Variants in ATP2C2 observed in about 807,000 individuals in gnomAD.
The protein encoded by ATP2C2 is ATPase secretory pathway Ca2+ transporting 2.
A neutral mutation model predicts 110.8 loss-of-function variants in ATP2C2; 171 were observed. That is an observed-to-expected ratio of 1.54 (90% CI 1.36 to 1.75). The LOEUF is 1.75. Ranked by LOEUF, ATP2C2 falls within the 40% of genes most tolerant of loss-of-function variation. The pLI, the probability that ATP2C2 is intolerant of heterozygous loss-of-function variation, is 0.00. For missense variants in ATP2C2, 1,963 were observed against 1,235.0 expected (o/e 1.59, Z -8.84); for synonymous variants, 804 against 508.4 (o/e 1.58, Z -7.82).
chr16:84,423,457 C>G (rs1907538080), intron 10 of ATP2C2, among the ~76,000 whole-genome samples, 194 bp downstream of exon 10: 1 of 152,194 alleles, frequency 6.6e-6, no homozygotes, highest in African/African-American at 2.4e-5. Context: ...AACAAGCAGC[C>G]ACTACATTTT....
chr16:84,463,770 A>G lies in ATP2C2; in HGVS notation c.*38A>G. 6.4e-7 allele frequency: 1 copy of G among 1,554,464 alleles called. No homozygotes were observed. Among genetic ancestry groups the G allele is most frequent in the East Asian group, 2.2e-5 (1 of 44,538 alleles). On this transcript the variant is annotated 3_prime_UTR_variant, in exon 27 of 27. Transcript: ENST00000262429. ...CGCGGCACCTTCCCTAATCATCTCG[A>G]TCTGGTTGTGACTGTGGCCCCTGCC...
At chr16:84,391,301 C>T (rs117034137) in intron 1 of ATP2C2, among the ~76,000 whole-genome samples, 3,593 of 152,240 alleles carry the variant, frequency 0.024, 69 homozygotes, top group Non-Finnish European at 0.038. Context: ...GCTACAGCCT[C>T]GGACCCTTCA....
At chr16:84,418,367 C>G (rs1358255872) in intron 7 of ATP2C2, among the ~76,000 whole-genome samples, 1 of 152,150 alleles carries the variant, frequency 6.6e-6, no homozygotes, top group Non-Finnish European at 1.5e-5. Flanking sequence ...CCTGGGAGGT[C>G]ACCAGAAGCC....
chr16:84,389,316 C>T (rs891286394), intron 1 of ATP2C2, among the ~76,000 whole-genome samples: 3 of 152,226 alleles, frequency 2.0e-5, no homozygotes, highest in Admixed American at 6.5e-5. Flanking sequence ...CTAGATTCCC[C>T]GCGATCTGCA....
chr16:84,460,550 C>G (rs750235843), intron 23 of ATP2C2, 104 bp from the exon 24 acceptor site: 17 of 1,523,970 alleles, frequency 1.1e-5, no homozygotes, highest in Non-Finnish European at 1.5e-5. Context: ...CCTGGCCCTG[C>G]CCCCTGTGCC....
intron 4 of ATP2C2, 29 bp downstream of exon 4, chr16:84,408,523 G>A (rs375023057): frequency 3.0e-5 from 48 of 1,590,124 alleles, no homozygotes; most frequent in East Asian, 1.8e-4. Context: ...CTCGGCTCCC[G>A]GGCGGGCAGC....
At position 84,422,458 on chromosome 16, in the gene ATP2C2, CCCCTTGA is replaced by C. The variant is rs755616428; in HGVS notation, c.695_701del (p.Pro232GlnfsTer28). On this transcript the variant is annotated frameshift_variant, in exon 8 of 27. Transcript: ENST00000262429. LOFTEE classifies it high-confidence loss of function. ...CCGAGCCATGTAGTAAAACAGACAG[CCCCTTGA>C]CAGGCGGTGGGGACCTCACCACCCT... 6.2e-7 allele frequency: 1 copy of C among 1,614,152 alleles called. No homozygotes were observed.
At position 84,398,551 on chromosome 16, in the gene ATP2C2, C is replaced by T. The variant is rs1452277127; in HGVS notation, c.152C>T (p.Ala51Val). Reference protein sequence around the residue: ...KAIEKEKKVTALPPKEACKCQ... With the variant: ...KAIEKEKKVTVLPPKEACKCQ... ...ATCGAGAAAGAGAAGAAGGTGACAGCCCTGCCCCCCAAGGAAGCGTGCAAA... is the reference window on the plus strand; with the variant it reads ...ATCGAGAAAGAGAAGAAGGTGACAGTCCTGCCCCCCAAGGAAGCGTGCAAA... The change falls in exon 2 of 27, where the codon GCC (alanine) becomes GTC (valine). Residue 51 changes from alanine (A) to valine (V), a missense_variant. Physicochemically the swap from Ala to Val is moderately conservative, Grantham distance 64 (BLOSUM62 0). Coordinates refer to ENST00000262429, the MANE Select transcript of ATP2C2 (RefSeq NM_014861.4). The T allele has an allele frequency of 6.2e-6, 10 of 1,613,422 alleles. No individual in the cohort carries two copies. The Admixed American group carries it at 1.5e-4, about 24-fold the overall frequency.
intron 26 of ATP2C2, among the ~76,000 whole-genome samples, 178 bp from the exon 27 acceptor site, chr16:84,463,436 C>T (rs1016245377): frequency 6.6e-6 from 1 of 152,148 alleles, no homozygotes; most frequent in Non-Finnish European, 1.5e-5. Flanking sequence ...GCAGGCCCTT[C>T]TGGAACTGCA....
chr16:84,420,445 G>A (rs1175627482), intron 7 of ATP2C2, among the ~76,000 whole-genome samples: 1 of 150,940 alleles, frequency 6.6e-6, no homozygotes, highest in South Asian at 2.1e-4. Context: ...CCGGGGTGGG[G>A]GTCATCTTTG....
intron 1 of ATP2C2, among the ~76,000 whole-genome samples, chr16:84,390,338 G>T (rs1366957526): frequency 6.6e-6 from 1 of 152,202 alleles, no homozygotes; most frequent in Admixed American, 6.5e-5. Context: ...TTTCAGCAAG[G>T]GCCATACGTG....
At chr16:84,372,224 C>A (rs1377013307) in intron 1 of ATP2C2, among the ~76,000 whole-genome samples, 1 of 152,082 alleles carries the variant, frequency 6.6e-6, no homozygotes, top group Non-Finnish European at 1.5e-5. Flanking sequence ...CCAGATGGGC[C>A]AAACATTAGA....
At chr16:84,378,741 G>A (rs755921252) in intron 1 of ATP2C2, among the ~76,000 whole-genome samples, 9 of 152,190 alleles carry the variant, frequency 5.9e-5, no homozygotes, top group Non-Finnish European at 1.2e-4. Flanking sequence ...ACTGCAAAAC[G>A]GCCCCCTCCT....
intron 21 of ATP2C2, among the ~76,000 whole-genome samples, chr16:84,455,326 G>A (rs1016163310): frequency 1.3e-5 from 2 of 152,186 alleles, no homozygotes; most frequent in Non-Finnish European, 2.9e-5. Context: ...AGCTGAATAT[G>A]TAAGGAAAAC....
At position 84,454,815 on chromosome 16, in the gene ATP2C2, A is replaced by T; in HGVS notation, c.1981-3A>T. 1 of 1,585,428 alleles carries T rather than the reference A, an allele frequency of 6.3e-7. No individual in the cohort carries two copies. The highest frequency in any genetic ancestry group is 8.6e-7 in the Non-Finnish European group (1 of 1,167,660). On this transcript the variant is annotated splice_polypyrimidine_tract_variant and splice_region_variant and intron_variant, in intron 20 of 26. Coordinates refer to ENST00000262429, the MANE Select transcript of ATP2C2 (RefSeq NM_014861.4). Reference sequence around the variant, plus strand: ...AGGCCTTCATTGCCTGCTCTTTCCAAAGGCTCTGCAGGAGTCAGGGGCGAT... The same window carrying T: ...AGGCCTTCATTGCCTGCTCTTTCCATAGGCTCTGCAGGAGTCAGGGGCGAT...
intron 11 of ATP2C2, among the ~76,000 whole-genome samples, chr16:84,427,040 G>C (rs1907869053): frequency 6.6e-6 from 1 of 152,200 alleles, no homozygotes; most frequent in Non-Finnish European, 1.5e-5. Context: ...TGTCCCATTG[G>C]AAGGGAGCCT....
chr16:84,460,975 GA>G, intron 24 of ATP2C2, 174 bp downstream of exon 24: 3 of 972,790 alleles, frequency 3.1e-6, no homozygotes, highest in Non-Finnish European at 4.4e-6. Context: ...GGGACTGGGT[GA>G]CCCTTGAAAG....
chr16:84,463,490 G>T, intron 26 of ATP2C2, 124 bp from the exon 27 acceptor site: 3 of 776,424 alleles, frequency 3.9e-6, no homozygotes, highest in Non-Finnish European at 6.6e-6. Flanking sequence ...GCCTTCAGGG[G>T]AATGAAAAGG....
At chr16:84,437,935 T>C (rs953689313) in intron 11 of ATP2C2, among the ~76,000 whole-genome samples, 3 of 152,200 alleles carry the variant, frequency 2.0e-5, no homozygotes, top group Non-Finnish European at 2.9e-5. Flanking sequence ...CTTGTGTAGA[T>C]TTCCCCATTC....
Sources: allele counts gnomAD v4.1 joint callset (sites outside exome capture counted in the v4.1 genomes callset), GRCh38; gene constraint gnomAD v4.1.1; transcripts MANE v1.5; gene names NCBI Gene and HGNC (gene_info 2026-07-23, HGNC 2026-07-21).